The following ARHGEF4 variants were observed in gnomAD, a reference collection of about 807,000 sequenced individuals.
ARHGEF4 encodes the protein Rho guanine nucleotide exchange factor 4, also known as APC-stimulated guanine nucleotide exchange factor 1.
A neutral mutation model predicts 162.0 loss-of-function variants in ARHGEF4; 119 were observed. The ratio of observed to expected loss-of-function variants is 0.73; its 90% CI spans 0.63 to 0.86. The LOEUF (loss-of-function observed/expected upper bound fraction) is 0.86. Ranked by LOEUF, ARHGEF4 falls within the 40% of genes least tolerant of loss-of-function variation. The probability of loss-of-function intolerance (pLI) is 0.00; values close to 1 mark genes in which losing one functional copy is unlikely to be tolerated. For synonymous variants in ARHGEF4, 1,014 were observed against 979.9 expected, an observed-to-expected ratio of 1.03 and a Z score of -0.65; for missense variants, 2,488 against 2,456.0, an observed-to-expected ratio of 1.01 and a Z score of -0.28.
chr2:130,895,963 A>C (rs908009230), intron 1 of ARHGEF4, among the ~76,000 whole-genome samples: 1 of 152,110 alleles, frequency 6.6e-6, no homozygotes, highest in Admixed American at 6.6e-5. Context: ...TAGTCCTAGC[A>C]CTTAGCTATA....
chr2:130,941,726 G>A (rs181700829), intron 3 of ARHGEF4, among the ~76,000 whole-genome samples: 3 of 152,216 alleles, frequency 2.0e-5, no homozygotes, highest in East Asian at 1.9e-4. Flanking sequence ...CACTGGAAGC[G>A]GGTTGTCATA....
intron 5 of ARHGEF4, among the ~76,000 whole-genome samples, chr2:131,032,220 A>G (rs906355597): frequency 6.6e-6 from 1 of 151,870 alleles, no homozygotes; most frequent in Non-Finnish European, 1.5e-5. Context: ...AGGGGGAACA[A>G]GAGCCAGGTC....
In ARHGEF4 at chr2:131,044,291, T is replaced by C; in HGVS notation, c.5158-8T>C. ...TCAGCAGCCAGGGCTGAGGCCAGCA[T>C]CTGGCAGGACCTGCTCCGCCGCGAC... On this transcript the variant is annotated splice_polypyrimidine_tract_variant and splice_region_variant and intron_variant, in intron 11 of 13. Transcript: ENST00000409359. 1 of 1,610,594 alleles carries C rather than the reference T, an allele frequency of 6.2e-7. No homozygotes were observed. The highest frequency in any genetic ancestry group is 1.3e-5 in the African/African-American group (1 of 75,016).
At chr2:130,864,197 GAAAGAAAA>G (rs1190148678) in intron 1 of ARHGEF4, among the ~76,000 whole-genome samples, 1 of 119,696 alleles carries the variant, frequency 8.4e-6, no homozygotes, top group African/African-American at 3.2e-5. Context: ...AAGAAAGAAA[GAAAGAAAA>G]AAAAAAAAAG....
At chr2:130,977,299 A>C (rs1351808065) in intron 4 of ARHGEF4, among the ~76,000 whole-genome samples, 1 of 151,418 alleles carries the variant, frequency 6.6e-6, no homozygotes, top group Non-Finnish European at 1.5e-5. Flanking sequence ...GTTAGTATGC[A>C]TAGTGTGTGT....
chr2:130,998,011 T>C (rs1042876943), intron 4 of ARHGEF4, among the ~76,000 whole-genome samples: 2 of 152,142 alleles, frequency 1.3e-5, no homozygotes, highest in African/African-American at 2.4e-5. Flanking sequence ...ATTCACTCTG[T>C]GTGTCATGAG....
At chr2:131,001,302 CA>C (rs70994730) in intron 4 of ARHGEF4, among the ~76,000 whole-genome samples, 253 of 31,140 alleles carry the variant, frequency 8.1e-3, no homozygotes, top group African/African-American at 0.018. Flanking sequence ...GACTGTGTCT[CA>C]AAAAAAAAAA....
At chr2:130,952,924 G>A (rs370326778) in intron 4 of ARHGEF4, among the ~76,000 whole-genome samples, 2 of 152,036 alleles carry the variant, frequency 1.3e-5, no homozygotes, top group Non-Finnish European at 2.9e-5. Context: ...ACAAATGGAA[G>A]AACATTCCAT....
intron 4 of ARHGEF4, among the ~76,000 whole-genome samples, chr2:130,948,283 A>G (rs911097192): frequency 6.6e-6 from 1 of 152,210 alleles, no homozygotes; most frequent in African/African-American, 2.4e-5. Context: ...CAGCAGATGG[A>G]TGTATTTAGG....
At chr2:131,014,123 A>C (rs1688634720) in intron 4 of ARHGEF4, among the ~76,000 whole-genome samples, 1 of 152,190 alleles carries the variant, frequency 6.6e-6, no homozygotes, top group South Asian at 2.1e-4. Flanking sequence ...AAAACTTGTA[A>C]TTTGGTAACG....
intron 4 of ARHGEF4, chr2:130,963,588 C>T (rs1259321834): frequency 6.8e-3 from 1 of 148 alleles, no homozygotes; most frequent in Non-Finnish European, 8.8e-3. Flanking sequence ...GCGGCGCGGC[C>T]CTGCGGCACC....
In ARHGEF4 at chr2:130,915,610, C is replaced by A. The variant is rs984944910; in HGVS notation, c.1664C>A (p.Thr555Asn). The change falls in exon 2 of 14, where the codon ACC becomes AAC. Residue 555 changes from threonine to asparagine, a missense_variant. Transcript: ENST00000409359. ...AGTGACAGTTCAGATGCCCCTGAGA[C>A]CACCCAGAAATCAAGCGCAATAGAC... is the stretch of plus-strand genomic sequence containing the variant. ...EVSDSSDAPE[T>N]TQKSSAIDTS... 1 of 1,550,428 alleles carries A rather than the reference C, an allele frequency of 6.4e-7. No homozygotes were observed. The highest frequency in any genetic ancestry group is 1.4e-5 in the African/African-American group (1 of 73,028).
intron 1 of ARHGEF4, among the ~76,000 whole-genome samples, chr2:130,887,086 G>A (rs1236370720): frequency 6.6e-6 from 1 of 151,794 alleles, no homozygotes; most frequent in Non-Finnish European, 1.5e-5. Context: ...TCCCAATGTT[G>A]TTTTTCTTTT....
chr2:131,001,327 AACAG>A (rs1449310635), intron 4 of ARHGEF4, among the ~76,000 whole-genome samples: 1 of 151,054 alleles, frequency 6.6e-6, no homozygotes, highest in African/African-American at 2.4e-5. Context: ...AAAAAAAAAA[AACAG>A]AAAGAGCTGA....
rs1690854601 is a variant in ARHGEF4, at chr2:131,042,016, A to C, written c.5025+72A>C. 15 of 1,544,950 alleles carry C rather than the reference A, an allele frequency of 9.7e-6. No homozygotes were observed. In the South Asian group the frequency reaches 1.7e-4, roughly 18 times the overall value. ...GCTTTAAAATCATGCTTGCCCCTGA[A>C]AAATCTAGAAGGGAGCTGAAGCAGG... is the stretch of plus-strand genomic sequence containing the variant. On this transcript the variant is annotated intron_variant, in intron 10 of 13. Coordinates refer to ENST00000409359, the MANE Select transcript of ARHGEF4 (RefSeq NM_001367493.1).
chr2:130,890,335 G>A (rs1345680062), intron 1 of ARHGEF4, among the ~76,000 whole-genome samples: 5 of 152,328 alleles, frequency 3.3e-5, no homozygotes, highest in Non-Finnish European at 7.3e-5. Flanking sequence ...GCCAAGGCAG[G>A]TGGATCACTT....
intron 4 of ARHGEF4, among the ~76,000 whole-genome samples, chr2:130,950,324 G>A (rs976098874): frequency 4.1e-5 from 6 of 145,302 alleles, no homozygotes; most frequent in East Asian, 2.3e-4. Context: ...CACCACACCC[G>A]CCCCTCTCTC....
rs370609557 is a variant in ARHGEF4, at chr2:131,044,546, C to G, written c.5401+4C>G. 3.2e-6 allele frequency: 5 copies of G among 1,549,048 alleles called. No homozygotes were observed. The highest frequency in any genetic ancestry group is 2.4e-5 in the East Asian group (1 of 40,900). On this transcript the variant is annotated splice_donor_region_variant and intron_variant, in intron 12 of 13. Transcript: ENST00000409359. ...GTGCAGCTGGACCAGGAGACAGGTT[C>G]GAGACCCTGCTGGGCCTTGCCCCGC...
intron 4 of ARHGEF4, among the ~76,000 whole-genome samples, chr2:130,966,736 C>G (rs1685030170): frequency 1.3e-5 from 2 of 152,208 alleles, no homozygotes; most frequent in African/African-American, 2.4e-5. Flanking sequence ...TGTTTTCATT[C>G]AACAATCATG....
Sources: allele counts gnomAD v4.1 joint callset (sites outside exome capture counted in the v4.1 genomes callset), GRCh38; gene constraint gnomAD v4.1.1; transcripts MANE v1.5; gene names NCBI Gene and HGNC (gene_info 2026-07-23, HGNC 2026-07-21).